IRS1: variants seen among roughly 807,000 people sequenced by gnomAD.
IRS1 encodes insulin receptor substrate 1.
In IRS1, 34 loss-of-function variants were observed where a neutral mutation model predicts 65.6. The ratio of observed to expected loss-of-function variants is 0.52; its 90% CI spans 0.39 to 0.69. The LOEUF (loss-of-function observed/expected upper bound fraction) is 0.69, where lower values mean the gene tolerates loss of function less well. Ranked by LOEUF, IRS1 falls within the 30% of genes least tolerant of loss-of-function variation. The pLI is 0.00. For synonymous variants in IRS1, 699 were observed against 683.5 expected (o/e 1.02, Z -0.35); for missense variants, 1,641 against 1,720.2 (o/e 0.95, Z 0.81).
chr2:226,743,132 A>G (rs1163536390), intron 1 of IRS1, among the ~76,000 whole-genome samples: 1 of 151,904 alleles, frequency 6.6e-6, no homozygotes, highest in East Asian at 1.9e-4. Flanking sequence ...TCCTATGTAC[A>G]TGACAGATTC....
At position 226,798,846 on chromosome 2, in the gene IRS1, G is replaced by A; in HGVS notation, c.-108C>T. The A allele has an allele frequency of 6.5e-7, 1 of 1,539,236 alleles. No homozygotes were observed. The highest frequency in any genetic ancestry group is 1.2e-5 in the South Asian group (1 of 83,170). ...CCGGCACATGCAAACAGGGCTGGAG[G>A]CAGCAGAAACCCCGACTCTGAAATC... On this transcript the variant is annotated 5_prime_UTR_variant, in exon 1 of 2. Coordinates refer to ENST00000305123, the MANE Select transcript of IRS1 (RefSeq NM_005544.3). This position sits in a 1 kb window ranked among gnomAD's most constrained non-coding sequence, Gnocchi z 9.4.
At chr2:226,793,348 C>CT (rs1396318431) in intron 1 of IRS1, among the ~76,000 whole-genome samples, 1 of 152,116 alleles carries the variant, frequency 6.6e-6, no homozygotes, top group Non-Finnish European at 1.5e-5. Flanking sequence ...AATACAAATG[C>CT]TTAAAGTGTT....
In IRS1 at chr2:226,796,349, C is replaced by T. The variant is rs1247224481; in HGVS notation, c.2390G>A (p.Arg797His). Reference sequence around the variant, plus strand: ...ATCTGCTGTTGCAGCATAGAGAAGGCGACCAGAGCTAGTGGAAAGGCGGAG... The same window carrying T: ...ATCTGCTGTTGCAGCATAGAGAAGGTGACCAGAGCTAGTGGAAAGGCGGAG... ...QHLRLSTSSG[R>H]LLYAATADDS... Residue 797 changes from arginine to histidine, a missense_variant, in exon 1 of 2, where the codon CGC becomes CAC. By Grantham distance (29) the Arg-to-His change is conservative (BLOSUM62 0). Coordinates refer to ENST00000305123, the MANE Select transcript of IRS1 (RefSeq NM_005544.3). 2.5e-6 allele frequency: 4 copies of T among 1,613,306 alleles called. No homozygotes were observed. The highest frequency in any genetic ancestry group is 2.2e-5 in the South Asian group (2 of 91,086).
chr2:226,775,933 C>CTT lies in IRS1; in HGVS notation c.*21+19054_*21+19055dup, dbSNP rs572926231. Reference sequence around the variant, plus strand: ...TATGTTTAGTAAAGATGCAACTATCCTTTTTTTTTTCCTTGAATAGTTTTG... The same window carrying CTT: ...TATGTTTAGTAAAGATGCAACTATCCTTTTTTTTTTTTCCTTGAATAGTTTTG... On this transcript the variant is annotated intron_variant, in intron 1 of 1. Coordinates refer to ENST00000305123, the MANE Select transcript of IRS1 (RefSeq NM_005544.3). Among the ~76,000 whole-genome samples the CTT allele has an allele frequency of 4.4e-3, 652 of 149,220 alleles. 5 individuals are homozygous for CTT. The highest frequency in any genetic ancestry group is 0.015 in the African/African-American group (617 of 40,672).
rs141329298 is a variant in IRS1 at position 226,732,108 on chromosome 2, A to G, written c.*4164T>C. 4.2e-3 allele frequency: 632 copies of G among 152,280 alleles called. No individual in the cohort carries two copies. Among genetic ancestry groups the G allele is most frequent in the African/African-American group, 0.014 (600 of 41,552 alleles). The allele number at this position is 152,280 out of a possible 1,614,324, so 9.4% of individuals were successfully genotyped here. On this transcript the variant is annotated 3_prime_UTR_variant, in exon 2 of 2. Coordinates refer to ENST00000305123, the MANE Select transcript of IRS1 (RefSeq NM_005544.3). ...GCTAATTATAAGCTCTTTATTCATA[A>G]TTAATTCCTCGAGTAGGGTTAAGCA...
At chr2:226,776,775 C>T (rs1046371094) in intron 1 of IRS1, among the ~76,000 whole-genome samples, 10 of 152,098 alleles carry the variant, frequency 6.6e-5, no homozygotes, top group African/African-American at 1.4e-4. Flanking sequence ...GGCATGGTGG[C>T]GCACACCCAT....
chr2:226,797,832 A>T lies in IRS1; in HGVS notation c.907T>A (p.Ser303Thr), dbSNP rs780728690. Residue 303 changes from serine (S) to threonine (T), a missense_variant, in exon 1 of 2, where the codon TCA (serine) becomes ACA (threonine). This residue lies in a region of IRS1 where 1,324 missense variants were observed against 1,361.0 expected (regional missense o/e 0.97). Coordinates refer to ENST00000305123, the MANE Select transcript of IRS1 (RefSeq NM_005544.3). The surrounding 1 kb of genome is among the most constrained non-coding windows in gnomAD (Gnocchi z 8.1). ...GTGGCGGTGATGCTCTCAGTGCGTGATCGGCGGGTCAGCCCCACCTGGCTG... is the reference window on the plus strand; with the variant it reads ...GTGGCGGTGATGCTCTCAGTGCGTGTTCGGCGGGTCAGCCCCACCTGGCTG... Reference protein sequence around the residue: ...PPSQVGLTRRSRTESITATSP... With the variant: ...PPSQVGLTRRTRTESITATSP... The T allele has an allele frequency of 1.9e-6, 3 of 1,598,644 alleles. No individual in the cohort carries two copies. The South Asian group carries it at 3.3e-5, about 18-fold the overall frequency.
intron 1 of IRS1, among the ~76,000 whole-genome samples, chr2:226,747,721 C>T (rs139049645): frequency 6.0e-4 from 92 of 152,254 alleles, no homozygotes; most frequent in Admixed American, 5.4e-3. Flanking sequence ...TCATGAGGCT[C>T]AACCAATTTC....
At chr2:226,770,341 T>C (rs1939138699) in intron 1 of IRS1, among the ~76,000 whole-genome samples, 8 of 152,238 alleles carry the variant, frequency 5.3e-5, no homozygotes, top group Admixed American at 5.2e-4. Context: ...TTAGCTTCTT[T>C]GATAAATTTA....
At chr2:226,747,470 G>A (rs972796969) in intron 1 of IRS1, among the ~76,000 whole-genome samples, 2 of 152,094 alleles carry the variant, frequency 1.3e-5, no homozygotes, top group African/African-American at 4.8e-5. Context: ...TCGTAAACCA[G>A]GAAGAGGGCA....
intron 1 of IRS1, among the ~76,000 whole-genome samples, chr2:226,775,150 T>C (rs958214078): frequency 1.3e-5 from 2 of 152,116 alleles, no homozygotes; most frequent in African/African-American, 4.8e-5. Flanking sequence ...GACAAAATAA[T>C]CTAAATGTGT....
intron 1 of IRS1, among the ~76,000 whole-genome samples, chr2:226,778,040 T>TAA (rs1379274034): frequency 6.6e-6 from 1 of 152,154 alleles, no homozygotes; most frequent in African/African-American, 2.4e-5. Context: ...TCTTAGAAAA[T>TAA]TCATTTCCTG....
chr2:226,746,407 T>A (rs757788111), intron 1 of IRS1, among the ~76,000 whole-genome samples: 2 of 152,130 alleles, frequency 1.3e-5, no homozygotes, highest in African/African-American at 2.4e-5. Flanking sequence ...CTTGAGTAAC[T>A]TGATGAAAAA....
At chr2:226,791,843 C>T (rs1218040073) in intron 1 of IRS1, among the ~76,000 whole-genome samples, 1 of 151,954 alleles carries the variant, frequency 6.6e-6, no homozygotes, top group Non-Finnish European at 1.5e-5. Context: ...AGGGGCCCCA[C>T]CGCCCTGGAT....
At chr2:226,790,731 GAA>G (rs1939574675) in intron 1 of IRS1, among the ~76,000 whole-genome samples, 1 of 152,184 alleles carries the variant, frequency 6.6e-6, no homozygotes, top group Non-Finnish European at 1.5e-5. Flanking sequence ...AGGAGGAGGA[GAA>G]AATACTCCCA....
At chr2:226,764,573 G>GA (rs936378371) in intron 1 of IRS1, among the ~76,000 whole-genome samples, 4 of 152,088 alleles carry the variant, frequency 2.6e-5, no homozygotes, top group Admixed American at 2.6e-4. Context: ...CCTACAGAGA[G>GA]ACTTTTAAAA....
At chr2:226,786,986 GA>G (rs1210285409) in intron 1 of IRS1, among the ~76,000 whole-genome samples, 1 of 151,014 alleles carries the variant, frequency 6.6e-6, no homozygotes, top group Non-Finnish European at 1.5e-5. Flanking sequence ...CCACCCAAAG[GA>G]AAAAAAAGAA....
intron 1 of IRS1, among the ~76,000 whole-genome samples, chr2:226,789,839 CTT>C (rs1939554852): frequency 6.6e-6 from 1 of 152,170 alleles, no homozygotes; most frequent in South Asian, 2.1e-4. Flanking sequence ...GTTCCAAAAA[CTT>C]AGGCTGGTCG....
rs532517695 is a variant in IRS1, at chr2:226,796,383, G to C, written c.2356C>G (p.His786Asp). The C allele has an allele frequency of 4.0e-5, 65 of 1,613,326 alleles. No homozygotes were observed. In the African/African-American group the frequency reaches 8.1e-4, roughly 20 times the overall value. ...CTAGTGGAAAGGCGGAGGTGCTGAT[G>C]CCGGGCACCCTCCTCCGGCTCCCCG... ...RPGEPEEGAR[H>D]QHLRLSTSSG... is the part of the protein sequence containing the mutation. Residue 786 changes from histidine to aspartate, a missense_variant, in exon 1 of 2, where the codon CAT (histidine) becomes GAT (aspartate). His to Asp is a moderately conservative substitution (Grantham distance 81). Around this residue, in one of 3 missense-constraint regions of IRS1, gnomAD observed 1,324 missense variants for 1,361.0 expected, o/e 0.97. Coordinates refer to ENST00000305123, the MANE Select transcript of IRS1 (RefSeq NM_005544.3).
Sources: gnomAD v4.1 joint callset for allele counts (sites outside exome capture counted in the v4.1 genomes callset) on GRCh38, gnomAD v4.1.1 for gene constraint, gnomAD v4.1.1 regional missense constraint, Gnocchi (gnomAD v3.1) non-coding constraint, MANE v1.5 for transcripts, NCBI Gene and HGNC (gene_info 2026-07-23, HGNC 2026-07-21) for gene names.